The following WDR48 variants were observed in gnomAD, a reference collection of about 807,000 sequenced individuals.
WDR48 encodes WD repeat-containing protein 48.
WDR48 carries 22 observed loss-of-function variants against 94.0 expected under a neutral mutation model. The observed-to-expected ratio is 0.23, with a 90% confidence interval of 0.17 to 0.33. The LOEUF is 0.33. WDR48 is among the 10% of genes least tolerant of loss of function. The pLI, the probability that WDR48 is intolerant of heterozygous loss-of-function variation, is 1.00. For synonymous variants in WDR48, 278 were observed against 280.5 expected (o/e 0.99, Z 0.09); for missense variants, 541 against 813.8 (o/e 0.66, Z 4.08).
intron 6 of WDR48, among the ~76,000 whole-genome samples, chr3:39,069,316 A>G (rs1470818213): frequency 6.6e-6 from 1 of 152,228 alleles, no homozygotes; most frequent in African/African-American, 2.4e-5. Flanking sequence ...TAGAAAATAA[A>G]GAAACCAAAA....
chr3:39,086,985 T>G (rs1402432076), intron 14 of WDR48, among the ~76,000 whole-genome samples: 1 of 152,164 alleles, frequency 6.6e-6, no homozygotes, highest in Admixed American at 6.5e-5. Flanking sequence ...GCTCTACTAT[T>G]CAGGGGCCCT....
At chr3:39,081,776 C>T (rs921619770) in intron 11 of WDR48, among the ~76,000 whole-genome samples, 1 of 152,106 alleles carries the variant, frequency 6.6e-6, no homozygotes, top group Non-Finnish European at 1.5e-5. Context: ...GGTCTGTTGC[C>T]CACTCTTGGT....
At chr3:39,077,012 TCA>T in intron 8 of WDR48, 125 bp from the exon 9 acceptor site, 1 of 992,096 alleles carries the variant, frequency 1.0e-6, no homozygotes, top group East Asian at 2.6e-5. Flanking sequence ...CCTTAGTTTT[TCA>T]CACATGCCCA....
intron 13 of WDR48, 150 bp from the exon 14 acceptor site, chr3:39,085,365 G>C: frequency 1.5e-6 from 1 of 664,064 alleles, no homozygotes; most frequent in Non-Finnish European, 2.6e-6. Flanking sequence ...TTGGCAAAAT[G>C]ACTAAAGTCT....
intron 1 of WDR48, among the ~76,000 whole-genome samples, chr3:39,052,771 G>A (rs967806170): frequency 1.3e-5 from 2 of 152,192 alleles, no homozygotes; most frequent in South Asian, 2.1e-4. Context: ...ATCTTACCGT[G>A]TGTGTCTTGT....
At chr3:39,052,117 C>T (rs1243869241) in intron 1 of WDR48, 44 bp downstream of exon 1, 1 of 1,610,306 alleles carries the variant, frequency 6.2e-7, no homozygotes. Context: ...CGGCCGGCAG[C>T]TCCGGGCCCA....
At chr3:39,089,420 A>G (rs912269515) in intron 16 of WDR48, 102 bp downstream of exon 16, 1 of 1,079,022 alleles carries the variant, frequency 9.3e-7, no homozygotes, top group Non-Finnish European at 1.3e-6. Context: ...TAAAAGCTAG[A>G]CTCCCAAGTG....
chr3:39,094,301 A>C, intron 18 of WDR48: 1 of 1,426,216 alleles, frequency 7.0e-7, no homozygotes, highest in Non-Finnish European at 9.1e-7. Context: ...GAAAAAAGAC[A>C]CATGGTCTTC....
At chr3:39,085,079 T>G (rs1038680465) in intron 13 of WDR48, among the ~76,000 whole-genome samples, 1 of 152,070 alleles carries the variant, frequency 6.6e-6, no homozygotes. Flanking sequence ...TACAAAAAAT[T>G]AGCCGGGCGT....
Position 39,063,066 on chromosome 3 carries a change from G to A in WDR48, c.65G>A (p.Arg22Gln), listed in dbSNP as rs2033371840. ...ATTTGTCAGGTTTCCTATGTTATTCGAGATGAAGTGGAGAAGTACAACCGA... is the reference window on the plus strand; with the variant it reads ...ATTTGTCAGGTTTCCTATGTTATTCAAGATGAAGTGGAGAAGTACAACCGA... Reference protein sequence around the residue: ...RRKVQVSYVIRDEVEKYNRNG... With the variant: ...RRKVQVSYVIQDEVEKYNRNG... Residue 22 changes from arginine (R) to glutamine (Q), a missense_variant, in exon 2 of 19, where the codon CGA becomes CAA. Transcript: ENST00000302313. 1 of 1,613,852 alleles carries A rather than the reference G, an allele frequency of 6.2e-7. No individual in the cohort carries two copies. Among genetic ancestry groups the A allele is most frequent in the African/African-American group, 1.3e-5 (1 of 74,884 alleles).
intron 17 of WDR48, 121 bp from the exon 18 acceptor site, chr3:39,093,753 C>G: frequency 1.7e-6 from 2 of 1,170,326 alleles, no homozygotes; most frequent in Admixed American, 3.3e-5. Context: ...AAGGTAATGA[C>G]TAAAAACATT....
chr3:39,074,770 T>A lies in WDR48; in HGVS notation c.717T>A (p.Leu239=), dbSNP rs1452454893. ...SSDGTIRLWS[L]GQQRCIATYR... is the part of the protein sequence containing the mutation. Reference sequence around the variant, plus strand: ...ATGGGACAATTCGCCTTTGGTCCCTTGGCCAGCAGAGATGTATAGCAACAT... The same window carrying A: ...ATGGGACAATTCGCCTTTGGTCCCTAGGCCAGCAGAGATGTATAGCAACAT... The change falls in exon 8 of 19, where the codon CTT becomes CTA. Residue 239 remains leucine (L), a synonymous_variant. Transcript: ENST00000302313. The A allele has an allele frequency of 6.2e-7, 1 of 1,614,242 alleles. No individual in the cohort carries two copies. The highest frequency in any genetic ancestry group is 1.1e-5 in the South Asian group (1 of 91,082).
chr3:39,063,292 G>C, intron 2 of WDR48, 102 bp downstream of exon 2: 8 of 1,443,468 alleles, frequency 5.5e-6, no homozygotes, highest in Non-Finnish European at 7.5e-6. Context: ...CTCTCTGAAT[G>C]CTGAGTTATT....
intron 13 of WDR48, 63 bp from the exon 14 acceptor site, chr3:39,085,452 T>G: frequency 3.1e-6 from 4 of 1,292,990 alleles, no homozygotes; most frequent in Non-Finnish European, 4.4e-6. Context: ...TTATTCTATT[T>G]TTAGGTTAAA....
chr3:39,080,382 T>C (rs917008992), intron 11 of WDR48, among the ~76,000 whole-genome samples: 30 of 152,352 alleles, frequency 2.0e-4, no homozygotes, highest in African/African-American at 7.2e-4. Flanking sequence ...TGGGTCATGT[T>C]ACAATAACTC....
chr3:39,082,042 G>A (rs1336237172), intron 11 of WDR48, among the ~76,000 whole-genome samples: 6 of 152,148 alleles, frequency 3.9e-5, no homozygotes, highest in Admixed American at 6.5e-5. Context: ...CCAAATACTC[G>A]CCAAGTGATC....
chr3:39,076,951 G>A (rs976567891), intron 8 of WDR48, among the ~76,000 whole-genome samples, 188 bp from the exon 9 acceptor site: 9 of 151,920 alleles, frequency 5.9e-5, no homozygotes, highest in African/African-American at 1.5e-4. Context: ...ACTTTTATAG[G>A]GCTATGAATT....
At chr3:39,074,596 T>C (rs2034115673) in intron 7 of WDR48, 130 bp from the exon 8 acceptor site, 2 of 928,810 alleles carry the variant, frequency 2.2e-6, no homozygotes, top group Admixed American at 2.6e-5. Context: ...GTCAAGCCTT[T>C]ATCAGAGGCA....
In WDR48 at chr3:39,077,361, G is replaced by A. The variant is rs1284397647; in HGVS notation, c.972+148G>A. 4.3e-6 allele frequency: 3 copies of A among 704,170 alleles called. No homozygotes were observed. In the East Asian group the frequency reaches 8.1e-5, roughly 19 times the overall value. The allele number at this position is 704,170 out of a possible 1,614,324, so 43.6% of individuals were successfully genotyped here. ...AAACCTGAAAGCCCTGTGAATGTAGGTAGAATCCTAAAGATCATACTAAAA... is the reference window on the plus strand; with the variant it reads ...AAACCTGAAAGCCCTGTGAATGTAGATAGAATCCTAAAGATCATACTAAAA... On this transcript the variant is annotated intron_variant, in intron 9 of 18. Coordinates refer to ENST00000302313, the MANE Select transcript of WDR48 (RefSeq NM_020839.4).
Sources: allele counts gnomAD v4.1 joint callset (sites outside exome capture counted in the v4.1 genomes callset), GRCh38; gene constraint gnomAD v4.1.1; transcripts MANE v1.5; gene names NCBI Gene and HGNC (gene_info 2026-07-23, HGNC 2026-07-21).